The following GLUD1 variants were observed in gnomAD, a reference collection of about 807,000 sequenced individuals.
GLUD1 encodes glutamate dehydrogenase 1, mitochondrial.
A neutral mutation model predicts 56.0 loss-of-function variants in GLUD1; 22 were observed. The ratio of observed to expected loss-of-function variants is 0.39; its 90% CI spans 0.28 to 0.56. The LOEUF (loss-of-function observed/expected upper bound fraction) is 0.56, where lower values mean the gene tolerates loss of function less well. Among genes scored for constraint, GLUD1 ranks in the 20% least tolerant of loss-of-function variants. The pLI is 0.58. For missense variants in GLUD1, 451 were observed against 732.0 expected (o/e 0.62, Z 4.43); for synonymous variants, 223 against 269.9 (o/e 0.83, Z 1.70).
chr10:87,056,136 A>AAAAAAAC (rs1564762520), intron 11 of GLUD1, among the ~76,000 whole-genome samples: 1 of 150,056 alleles, frequency 6.7e-6, no homozygotes, highest in Non-Finnish European at 1.5e-5. Flanking sequence ...AAAAAAAAAA[A>AAAAAAAC]AAAACCAAAA....
intron 10 of GLUD1, among the ~76,000 whole-genome samples, chr10:87,058,160 G>A (rs1845837257): frequency 6.6e-6 from 1 of 152,190 alleles, no homozygotes; most frequent in Admixed American, 6.5e-5. Context: ...GAGCCACTGC[G>A]CCTGGCCTTA....
chr10:87,069,000 T>C (rs1589366559), intron 4 of GLUD1, among the ~76,000 whole-genome samples: 1 of 150,250 alleles, frequency 6.7e-6, no homozygotes, highest in Non-Finnish European at 1.5e-5. Context: ...TGCAAAGTAC[T>C]AAACAGCCAT....
At chr10:87,078,134 T>G (rs1055290197) in intron 1 of GLUD1, among the ~76,000 whole-genome samples, 15 of 152,228 alleles carry the variant, frequency 9.9e-5, no homozygotes, top group Non-Finnish European at 2.1e-4. Context: ...AACATACTTA[T>G]TTGGTCTACT....
chr10:87,088,138 GA>G (rs773421199), intron 1 of GLUD1, among the ~76,000 whole-genome samples: 8 of 148,958 alleles, frequency 5.4e-5, no homozygotes, highest in Non-Finnish European at 1.0e-4. Context: ...TGGTTTCCTT[GA>G]ACTCCTACTG....
At chr10:87,054,483 T>C (rs2133779983) in intron 11 of GLUD1, among the ~76,000 whole-genome samples, 1 of 152,210 alleles carries the variant, frequency 6.6e-6, no homozygotes, top group South Asian at 2.1e-4. Context: ...GAAGAAAATG[T>C]TTCAAGGTGG....
At chr10:87,080,722 T>G (rs919165458) in intron 1 of GLUD1, among the ~76,000 whole-genome samples, 1 of 142,162 alleles carries the variant, frequency 7.0e-6, no homozygotes, top group African/African-American at 2.7e-5. Flanking sequence ...GTCTGAGAAG[T>G]GAGGAGCCCC....
chr10:87,093,037 G>T (rs550646564), intron 1 of GLUD1, among the ~76,000 whole-genome samples: 46 of 152,298 alleles, frequency 3.0e-4, no homozygotes, highest in Admixed American at 5.9e-4. Flanking sequence ...CAGAGCTAGG[G>T]GATAATTAAG....
At chr10:87,080,212 T>C (rs757515573) in intron 1 of GLUD1, among the ~76,000 whole-genome samples, 10 of 152,002 alleles carry the variant, frequency 6.6e-5, no homozygotes, top group Non-Finnish European at 1.2e-4. Flanking sequence ...GGTGCCAGGA[T>C]TGCAGACGGT....
intron 5 of GLUD1, among the ~76,000 whole-genome samples, chr10:87,066,663 TTGAAAGGAC>T (rs1291914676): frequency 1.3e-5 from 2 of 152,188 alleles, no homozygotes; most frequent in Non-Finnish European, 2.9e-5. Context: ...TGACCTTACC[TTGAAAGGAC>T]TGAAAGGACT....
intron 1 of GLUD1, among the ~76,000 whole-genome samples, chr10:87,081,293 C>A (rs1841243259): frequency 6.6e-6 from 1 of 150,904 alleles, no homozygotes; most frequent in Non-Finnish European, 1.5e-5. Flanking sequence ...GCCCCTCTGC[C>A]CGGCCAGCCA....
chr10:87,090,165 G>A (rs1356165872), intron 1 of GLUD1, among the ~76,000 whole-genome samples: 1 of 152,102 alleles, frequency 6.6e-6, no homozygotes, highest in Non-Finnish European at 1.5e-5. Context: ...GTTTTTAATG[G>A]TTACAGAACC....
At chr10:87,093,180 A>C (rs1841565601) in intron 1 of GLUD1, among the ~76,000 whole-genome samples, 1 of 152,190 alleles carries the variant, frequency 6.6e-6, no homozygotes, top group Non-Finnish European at 1.5e-5. Flanking sequence ...ATTTCTAAAA[A>C]TCCTCATAAG....
At position 87,094,261 on chromosome 10, in the gene GLUD1, G is replaced by A. The variant is rs1333399713; in HGVS notation, c.445+64C>T. 7.8e-6 allele frequency: 12 copies of A among 1,531,616 alleles called. No homozygotes were observed. Among genetic ancestry groups the A allele is most frequent in the Admixed American group, 5.9e-5 (3 of 50,864 alleles). The allele number at this position is 1,531,616 out of a possible 1,614,324, so 94.9% of individuals were successfully genotyped here. Reference sequence around the variant, plus strand: ...CTGAGCAGCGGCCCCGCACCGGCAGGAGGCCGGAGGGGAGGGCCGCAGGGG... The same window carrying A: ...CTGAGCAGCGGCCCCGCACCGGCAGAAGGCCGGAGGGGAGGGCCGCAGGGG... On this transcript the variant is annotated intron_variant, in intron 1 of 12. Transcript: ENST00000277865. This position sits in a 1 kb window ranked among gnomAD's most constrained non-coding sequence, Gnocchi z 6.6.
intron 8 of GLUD1, 131 bp downstream of exon 8, chr10:87,060,544 TTAAATGGGGGAAC>T: frequency 9.3e-7 from 1 of 1,071,986 alleles, no homozygotes. Flanking sequence ...ATTATGTACC[TTAAATGGGGGAAC>T]TGTATGGTAT....
At chr10:87,059,308 T>C (rs780112936) in intron 9 of GLUD1, 35 bp from the exon 10 acceptor site, 3 of 1,609,738 alleles carry the variant, frequency 1.9e-6, no homozygotes, top group Non-Finnish European at 2.6e-6. Context: ...AATTAGAAGA[T>C]GATGGTTTTC....
chr10:87,055,169 CACGGG>C (rs1485812188), intron 11 of GLUD1, among the ~76,000 whole-genome samples: 1 of 151,608 alleles, frequency 6.6e-6, no homozygotes. Context: ...AGGGTAGAGG[CACGGG>C]ATTTAATCAG....
At chr10:87,061,344 G>A (rs1845924346) in intron 6 of GLUD1, 2 of 503,984 alleles carry the variant, frequency 4.0e-6, no homozygotes, top group Admixed American at 4.9e-5. Context: ...CCAACATGGT[G>A]AAACCCCGTC....
intron 1 of GLUD1, among the ~76,000 whole-genome samples, chr10:87,080,899 G>A (rs1183506094): frequency 1.4e-5 from 2 of 145,404 alleles, no homozygotes; most frequent in African/African-American, 5.1e-5. Context: ...GGTGAGGGGC[G>A]CCTCTGCCCA....
intron 1 of GLUD1, among the ~76,000 whole-genome samples, chr10:87,083,846 C>G (rs552173925): frequency 6.6e-6 from 1 of 151,786 alleles, no homozygotes; most frequent in Non-Finnish European, 1.5e-5. Context: ...CACGCACACA[C>G]CGCATCTTAA....
Sources: gnomAD v4.1 joint callset for allele counts (sites outside exome capture counted in the v4.1 genomes callset) on GRCh38, gnomAD v4.1.1 for gene constraint, Gnocchi (gnomAD v3.1) non-coding constraint, MANE v1.5 for transcripts, NCBI Gene and HGNC (gene_info 2026-07-23, HGNC 2026-07-21) for gene names.